FANCA: variants seen among roughly 807,000 people sequenced by gnomAD.
FANCA encodes Fanconi anemia group A protein.
In FANCA, 236 loss-of-function variants were observed where a neutral mutation model predicts 194.3. The ratio of observed to expected loss-of-function variants is 1.21; its 90% CI spans 1.09 to 1.35. The LOEUF is 1.35. FANCA is among the 40% of genes most tolerant of loss of function. The pLI is 0.00. For missense variants in FANCA, 2,628 were observed against 1,813.9 expected, an observed-to-expected ratio of 1.45 and a Z score of -8.15; for synonymous variants, 1,014 against 715.8, an observed-to-expected ratio of 1.42 and a Z score of -6.65.
rs771522551 is a variant in FANCA at position 89,737,860 on chromosome 16, A to G, written c.*741T>C. On this transcript the variant is annotated 3_prime_UTR_variant, in exon 43 of 43. Coordinates refer to ENST00000389301, the MANE Select transcript of FANCA (RefSeq NM_000135.4). The stretch of plus-strand genomic sequence containing the variant: ...GGACAAACCTTCAAGCAGCGGAAGC[A>G]CCTTCTCGTCCACCAAATGCGACAT... 1 of 1,614,142 alleles carries G rather than the reference A, an allele frequency of 6.2e-7. No homozygotes were observed.
chr16:89,778,658 G>C, intron 20 of FANCA, 143 bp downstream of exon 20: 4 of 132,024 alleles, frequency 3.0e-5, no homozygotes, highest in East Asian at 2.5e-4. Context: ...AAAAAAAAAA[G>C]TAACCAACCA....
intron 11 of FANCA, among the ~76,000 whole-genome samples, chr16:89,793,625 C>A (rs890163908): frequency 1.3e-5 from 2 of 152,170 alleles, no homozygotes; most frequent in African/African-American, 4.8e-5. Flanking sequence ...GACAGGGTCT[C>A]ACTATCACCC....
At chr16:89,740,495 T>C in intron 38 of FANCA, 1 of 475,772 alleles carries the variant, frequency 2.1e-6, no homozygotes, top group South Asian at 2.4e-5. Flanking sequence ...ATTAGCCGGG[T>C]GTGACAGACT....
In FANCA at chr16:89,765,011, T is replaced by G. The variant is rs2143289128; in HGVS notation, c.2657A>C (p.Glu886Ala). The part of the protein sequence containing the change: ...FSEARQPLSE[E>A]DVASLSWRPL... ...TCTCCAGGAAAGGCTGGCTACGTCC[T>G]CCTCAGAAAGAGGCTGTCGGGCCTC... Residue 886 changes from glutamate (E) to alanine (A), a missense_variant, in exon 28 of 43, where the codon GAG (glutamate) becomes GCG (alanine). By Grantham distance (107) the Glu-to-Ala change is moderately radical. Transcript: ENST00000389301. 3 of 1,614,112 alleles carry G rather than the reference T, an allele frequency of 1.9e-6. No homozygotes were observed. Among genetic ancestry groups the G allele is most frequent in the East Asian group, 4.5e-5 (2 of 44,892 alleles).
At chr16:89,798,131 A>G (rs2040311287) in intron 10 of FANCA, among the ~76,000 whole-genome samples, 1 of 152,102 alleles carries the variant, frequency 6.6e-6, no homozygotes, top group African/African-American at 2.4e-5. Flanking sequence ...GACTGCCCGG[A>G]GAAGACACCA....
chr16:89,740,986 G>C, intron 37 of FANCA, 120 bp from the exon 38 acceptor site: 1 of 890,406 alleles, frequency 1.1e-6, no homozygotes, highest in Non-Finnish European at 1.8e-6. Flanking sequence ...AATCCTTTAA[G>C]TGGATCTTAG....
At chr16:89,798,426 C>G in intron 10 of FANCA, 1 of 1,080,560 alleles carries the variant, frequency 9.3e-7, no homozygotes. Context: ...TTTAATTGAG[C>G]AGTTAAACAG....
At chr16:89,805,431 A>T in intron 6 of FANCA, 39 bp from the exon 7 acceptor site, 1 of 1,517,100 alleles carries the variant, frequency 6.6e-7, no homozygotes, top group Non-Finnish European at 9.1e-7. Context: ...GGCTCAACTA[A>T]ATCCCATCAT....
At chr16:89,760,472 C>T (rs1002342911) in intron 29 of FANCA, among the ~76,000 whole-genome samples, 1 of 152,170 alleles carries the variant, frequency 6.6e-6, no homozygotes, top group Admixed American at 6.5e-5. Context: ...GTGGCTGTTG[C>T]CAACCCTCTC....
At position 89,738,204 on chromosome 16, in the gene FANCA, T is replaced by C. The variant is rs757018886; in HGVS notation, c.*397A>G. 88 of 1,611,242 alleles carry C rather than the reference T, an allele frequency of 5.5e-5. 2 individuals carry two copies. In the South Asian group the frequency reaches 8.5e-4, roughly 16 times the overall value. ...CACCACCTGGGCCACCGAGCCCCTC[T>C]GTGACCACAGAGGGCCAGGCGGTGA... On this transcript the variant is annotated 3_prime_UTR_variant, in exon 43 of 43. Transcript: ENST00000389301.
chr16:89,787,417 G>T (rs1320257081), intron 14 of FANCA, among the ~76,000 whole-genome samples: 1 of 152,108 alleles, frequency 6.6e-6, no homozygotes, highest in Non-Finnish European at 1.5e-5. Context: ...CAGCTACTCA[G>T]GAGGCTGTGG....
intron 20 of FANCA, among the ~76,000 whole-genome samples, chr16:89,776,779 C>T (rs572863743): frequency 6.6e-6 from 1 of 151,728 alleles, no homozygotes; most frequent in South Asian, 2.1e-4. Context: ...TGCAGTGAGC[C>T]GAGATTGCGC....
intron 39 of FANCA, 57 bp from the exon 40 acceptor site, chr16:89,739,610 C>G: frequency 6.5e-7 from 1 of 1,535,824 alleles, no homozygotes; most frequent in Non-Finnish European, 8.8e-7. Flanking sequence ...ATTATCAGTG[C>G]TGGGGACACC....
intron 14 of FANCA, 50 bp from the exon 15 acceptor site, chr16:89,785,014 C>A: frequency 7.5e-7 from 1 of 1,338,208 alleles, no homozygotes. Context: ...CGCGGCTGCA[C>A]CACCTAGGCA....
chr16:89,781,998 C>T (rs2039728494), intron 17 of FANCA, among the ~76,000 whole-genome samples: 1 of 150,766 alleles, frequency 6.6e-6, no homozygotes. Flanking sequence ...CAGAGCGAGA[C>T]TCCATCTCAA....
chr16:89,799,703 A>G, intron 8 of FANCA, 65 bp from the exon 9 acceptor site: 1 of 1,316,858 alleles, frequency 7.6e-7, no homozygotes, highest in South Asian at 1.2e-5. Flanking sequence ...TACCTGCATC[A>G]CACAAGAGAA....
chr16:89,761,420 G>GAAAAAAAAAAAAAAA (rs56659330), intron 29 of FANCA, among the ~76,000 whole-genome samples: 2 of 95,720 alleles, frequency 2.1e-5, no homozygotes, highest in Admixed American at 1.2e-4. Context: ...CTCTGTCTCA[G>GAAAAAAAAAAAAAAA]AAAAAAAAAA....
intron 14 of FANCA, among the ~76,000 whole-genome samples, chr16:89,785,694 G>A (rs1021733457): frequency 2.0e-5 from 3 of 152,038 alleles, no homozygotes; most frequent in African/African-American, 2.4e-5. Flanking sequence ...ACACTGAACC[G>A]CTTACCTGCA....
chr16:89,746,725 T>C (rs772106824), intron 34 of FANCA, 37 bp from the exon 35 acceptor site: 2 of 1,607,724 alleles, frequency 1.2e-6, no homozygotes, highest in Non-Finnish European at 1.7e-6. Flanking sequence ...CAGCGGTTTG[T>C]GAGGACCCAC....
Sources: gnomAD v4.1 joint callset for allele counts (sites outside exome capture counted in the v4.1 genomes callset) on GRCh38, gnomAD v4.1.1 for gene constraint, MANE v1.5 for transcripts, NCBI Gene and HGNC (gene_info 2026-07-23, HGNC 2026-07-21) for gene names.